Variants in ADAMTSL3 observed in about 807,000 individuals in gnomAD.
The protein encoded by ADAMTSL3 is ADAMTS like 3.
Under a neutral mutation model 201.7 loss-of-function variants are expected in ADAMTSL3, and 128 were observed. The observed-to-expected ratio is 0.63, with a 90% CI of 0.55 to 0.73. The LOEUF (loss-of-function observed/expected upper bound fraction) is 0.73. Among genes scored for constraint, ADAMTSL3 ranks in the 30% least tolerant of loss-of-function variants. The pLI is 0.00. For synonymous variants in ADAMTSL3, 738 were observed against 748.4 expected, an observed-to-expected ratio of 0.99 and a Z score of 0.23; for missense variants, 1,990 against 2,119.6, an observed-to-expected ratio of 0.94 and a Z score of 1.20.
intron 5 of ADAMTSL3, among the ~76,000 whole-genome samples, chr15:83,808,737 C>T (rs2063643901): frequency 1.3e-5 from 2 of 152,114 alleles, no homozygotes; most frequent in Non-Finnish European, 1.5e-5. Context: ...AAATGTCCAA[C>T]AGTGAATGAA....
In ADAMTSL3 at chr15:83,974,670, T is replaced by C. The variant is rs1199835815; in HGVS notation, c.2644+4033T>C. ...TTCTTTTTAAATATGTTAGATGTGG[T>C]TCATTCTCAAAGTGCTGTTAGAAAT... is the stretch of plus-strand genomic sequence containing the variant. On this transcript the variant is annotated intron_variant, in intron 20 of 29. Coordinates refer to ENST00000286744, the MANE Select transcript of ADAMTSL3 (RefSeq NM_207517.3). Among the ~76,000 whole-genome samples, 4 of 152,220 alleles carry C rather than the reference T, an allele frequency of 2.6e-5. 1 individual carries two copies. The East Asian group carries it at 7.7e-4, about 29-fold the overall frequency.
chr15:83,773,357 G>A (rs1004289820), intron 3 of ADAMTSL3, among the ~76,000 whole-genome samples, 166 bp from the exon 4 acceptor site: 2 of 151,984 alleles, frequency 1.3e-5, no homozygotes, highest in African/African-American at 4.8e-5. Flanking sequence ...GCAGCGAGCC[G>A]AGATTGTGCC....
rs548176309 is a variant in ADAMTSL3 at position 84,032,265 on chromosome 15, A to G, written c.4754+833A>G. Among the ~76,000 whole-genome samples, 66 of 152,318 alleles carry G rather than the reference A, an allele frequency of 4.3e-4. No individual in the cohort carries two copies. The South Asian group carries it at 7.0e-3, about 16-fold the overall frequency. On this transcript the variant is annotated intron_variant, in intron 28 of 29. Transcript: ENST00000286744. ...CATGGAAGATGCTCAATATCTGGCT[A>G]TTTCTTCCTTTTCCATGTCCTGAGT...
chr15:83,780,562 A>G (rs1356886793), intron 4 of ADAMTSL3, among the ~76,000 whole-genome samples: 1 of 152,218 alleles, frequency 6.6e-6, no homozygotes, highest in Non-Finnish European at 1.5e-5. Context: ...CAAGACAAAG[A>G]TGCCCTCTCT....
intron 17 of ADAMTSL3, among the ~76,000 whole-genome samples, chr15:83,924,989 C>T (rs557257729): frequency 5.3e-5 from 8 of 152,260 alleles, no homozygotes; most frequent in African/African-American, 1.2e-4. Flanking sequence ...GTCCTCCTGC[C>T]GTATTAGTCT....
chr15:83,666,967 T>C (rs1567059574), intron 2 of ADAMTSL3, among the ~76,000 whole-genome samples: 1 of 152,136 alleles, frequency 6.6e-6, no homozygotes, highest in Non-Finnish European at 1.5e-5. Context: ...ATTAATTTTT[T>C]ATCTTATGTT....
At chr15:83,682,525 G>A (rs1201750507) in intron 2 of ADAMTSL3, among the ~76,000 whole-genome samples, 1 of 152,196 alleles carries the variant, frequency 6.6e-6, no homozygotes, top group Non-Finnish European at 1.5e-5. Flanking sequence ...TTCCAGAAGA[G>A]CCTACCAATG....
intron 4 of ADAMTSL3, among the ~76,000 whole-genome samples, chr15:83,798,519 A>AGGGAC (rs1474942206): frequency 6.6e-6 from 1 of 152,136 alleles, no homozygotes; most frequent in Admixed American, 6.5e-5. Context: ...TCTAAGAAAC[A>AGGGAC]GGGACAGGCT....
intron 23 of ADAMTSL3, among the ~76,000 whole-genome samples, chr15:83,998,279 T>C (rs2067725551): frequency 6.6e-6 from 1 of 151,990 alleles, no homozygotes; most frequent in Admixed American, 6.6e-5. Context: ...TAAAACCGTG[T>C]CTCCACTAAA....
chr15:83,894,372 G>T (rs1222022229), intron 13 of ADAMTSL3, among the ~76,000 whole-genome samples: 1 of 152,094 alleles, frequency 6.6e-6, no homozygotes, highest in Non-Finnish European at 1.5e-5. Flanking sequence ...ATATATTTAG[G>T]TTGACATCTG....
intron 9 of ADAMTSL3, among the ~76,000 whole-genome samples, chr15:83,875,813 A>G (rs548111794): frequency 7.9e-5 from 12 of 152,138 alleles, no homozygotes; most frequent in South Asian, 2.1e-4. Flanking sequence ...TAAATAAAAA[A>G]AAGAACAATC....
At position 83,704,521 on chromosome 15, in the gene ADAMTSL3, G is replaced by A. The variant is rs752950902; in HGVS notation, c.189+13G>A. On this transcript the variant is annotated intron_variant, in intron 3 of 29. Transcript: ENST00000286744. The stretch of plus-strand genomic sequence containing the variant: ...CTATGATGACCAGGTAAGAACATTG[G>A]ACAAGGATCTACCTTTGGCTTTGCT... The A allele has an allele frequency of 1.4e-5, 22 of 1,614,024 alleles. 1 individual carries two copies. The South Asian group carries it at 2.4e-4, about 18-fold the overall frequency.
chr15:83,780,391 C>T (rs1161702264), intron 4 of ADAMTSL3, among the ~76,000 whole-genome samples: 1 of 135,098 alleles, frequency 7.4e-6, no homozygotes, highest in Admixed American at 7.5e-5. Context: ...GCCTGGGCGA[C>T]AAGAGTGAAA....
intron 3 of ADAMTSL3, among the ~76,000 whole-genome samples, chr15:83,750,626 A>C (rs938914345): frequency 2.0e-5 from 3 of 152,024 alleles, no homozygotes; most frequent in South Asian, 2.1e-4. Flanking sequence ...ATCTCGGCTC[A>C]CTGCAACCTC....
intron 5 of ADAMTSL3, among the ~76,000 whole-genome samples, chr15:83,815,444 GCAA>G (rs1231215009): frequency 6.6e-6 from 1 of 152,188 alleles, no homozygotes; most frequent in Non-Finnish European, 1.5e-5. Flanking sequence ...GTGACCTAGG[GCAA>G]AGCCCATCAA....
rs918987714 is a variant in ADAMTSL3 at position 83,951,928 on chromosome 15, C to T, written c.2490+8846C>T. On this transcript the variant is annotated intron_variant, in intron 19 of 29. Coordinates refer to ENST00000286744, the MANE Select transcript of ADAMTSL3 (RefSeq NM_207517.3). ...TTTCTTAGTCTGGCAAGAGTTTTGT[C>T]GATTTTATTTATGTTTTCAAAAAAC... Among the ~76,000 whole-genome samples the T allele has an allele frequency of 1.1e-4, 17 of 151,992 alleles. No homozygotes were observed. In the South Asian group the frequency reaches 1.2e-3, roughly 11 times the overall value.
chr15:84,031,441 C>T lies in ADAMTSL3; in HGVS notation c.4754+9C>T, dbSNP rs371920894. The T allele has an allele frequency of 2.5e-6, 4 of 1,613,558 alleles. No homozygotes were observed. The African/African-American group carries it at 5.3e-5, about 22-fold the overall frequency. On this transcript the variant is annotated intron_variant, in intron 28 of 29. Transcript: ENST00000286744. ...TGTGATGACAGAAAGAGGTAGGGGC[C>T]CCACCCCAGAGCAGCACACATTCTC... is the stretch of plus-strand genomic sequence containing the variant.
At chr15:83,839,559 T>C (rs571157946) in intron 7 of ADAMTSL3, among the ~76,000 whole-genome samples, 1 of 152,198 alleles carries the variant, frequency 6.6e-6, no homozygotes, top group African/African-American at 2.4e-5. Context: ...CTGGATTACC[T>C]GTCAGATGAG....
intron 9 of ADAMTSL3, among the ~76,000 whole-genome samples, chr15:83,872,627 C>CACAAAGAG (rs6145659): frequency 7.1e-6 from 1 of 140,918 alleles, no homozygotes; most frequent in Non-Finnish European, 1.5e-5. Flanking sequence ...CACACACACA[C>CACAAAGAG]AGAGTTTTTG....
Sources: gnomAD v4.1 joint callset for allele counts (sites outside exome capture counted in the v4.1 genomes callset) on GRCh38, gnomAD v4.1.1 for gene constraint, MANE v1.5 for transcripts, NCBI Gene and HGNC (gene_info 2026-07-23, HGNC 2026-07-21) for gene names.